ZCCHC7: variants seen among roughly 807,000 people sequenced by gnomAD.
ZCCHC7 encodes zinc finger CCHC-type containing 7, also known as zinc finger CCHC domain-containing protein 7.
In ZCCHC7, 35 loss-of-function variants were observed where a neutral mutation model predicts 52.0. That is an observed-to-expected ratio of 0.67 (90% CI 0.51 to 0.89). ZCCHC7 has a LOEUF of 0.89. Among genes scored for constraint, ZCCHC7 ranks in the 40% least tolerant of loss-of-function variants. ZCCHC7 has a pLI of 0.00. For missense variants in ZCCHC7, 574 were observed against 649.1 expected, an observed-to-expected ratio of 0.88 and a Z score of 1.26; for synonymous variants, 217 against 221.5, an observed-to-expected ratio of 0.98 and a Z score of 0.18.
intron 2 of ZCCHC7, among the ~76,000 whole-genome samples, chr9:37,171,541 C>G (rs1195969039): frequency 6.6e-6 from 1 of 152,162 alleles, no homozygotes; most frequent in African/African-American, 2.4e-5. Flanking sequence ...CCTCAGCCTC[C>G]TGAGTAGCTG....
chr9:37,174,038 G>A (rs556833919), intron 2 of ZCCHC7, among the ~76,000 whole-genome samples: 246 of 152,306 alleles, frequency 1.6e-3, no homozygotes, highest in Non-Finnish European at 4.0e-4. Flanking sequence ...TAGGCTGGGT[G>A]TGGTGGCTCA....
intron 6 of ZCCHC7, among the ~76,000 whole-genome samples, chr9:37,328,420 C>T (rs901838091): frequency 2.0e-4 from 30 of 151,900 alleles, no homozygotes; most frequent in African/African-American, 7.2e-4. Flanking sequence ...GCAGAAAATA[C>T]AGTTTGCTAG....
intron 2 of ZCCHC7, among the ~76,000 whole-genome samples, chr9:37,210,328 A>AGGCT (rs1824148919): frequency 1.3e-5 from 2 of 152,220 alleles, no homozygotes; most frequent in African/African-American, 4.8e-5. Flanking sequence ...CTCATAGAAG[A>AGGCT]GGCTGTACTT....
intron 2 of ZCCHC7, among the ~76,000 whole-genome samples, chr9:37,184,585 C>T (rs1024144943): frequency 1.2e-4 from 19 of 152,008 alleles, no homozygotes; most frequent in African/African-American, 2.4e-4. Flanking sequence ...ATACATAGTA[C>T]GAATACCCTG....
chr9:37,286,162 A>G (rs1828199069), intron 2 of ZCCHC7, among the ~76,000 whole-genome samples: 1 of 152,228 alleles, frequency 6.6e-6, no homozygotes, highest in Non-Finnish European at 1.5e-5. Flanking sequence ...TATTAATAAA[A>G]TAATTTAGGG....
At chr9:37,259,080 A>G (rs2133435984) in intron 2 of ZCCHC7, among the ~76,000 whole-genome samples, 1 of 152,172 alleles carries the variant, frequency 6.6e-6, no homozygotes, top group South Asian at 2.1e-4. Context: ...AAAACAAAAC[A>G]AAAAAAACTT....
rs563346718 is a variant in ZCCHC7, at chr9:37,342,889, G to A, written c.988-6468G>A. ...TTAGAACATAATCCCAAAATGCATT[G>A]GATAAATAAATTTTATCAGAGCATC... On this transcript the variant is annotated intron_variant, in intron 6 of 8. Coordinates refer to ENST00000336755, the MANE Select transcript of ZCCHC7 (RefSeq NM_032226.3). Among the ~76,000 whole-genome samples, 6 of 152,254 alleles carry A rather than the reference G, an allele frequency of 3.9e-5. No homozygotes were observed. The South Asian group carries it at 1.2e-3, about 32-fold the overall frequency.
chr9:37,236,112 T>C (rs915690205), intron 2 of ZCCHC7, among the ~76,000 whole-genome samples: 3 of 152,180 alleles, frequency 2.0e-5, no homozygotes, highest in African/African-American at 7.2e-5. Context: ...TTCTAGTTTT[T>C]TGAGGAACCT....
At chr9:37,127,932 A>G (rs1307700882) in intron 2 of ZCCHC7, among the ~76,000 whole-genome samples, 1 of 152,202 alleles carries the variant, frequency 6.6e-6, no homozygotes, top group East Asian at 1.9e-4. Flanking sequence ...AATAATACCT[A>G]TAGAAATGGG....
At chr9:37,174,097 A>G (rs1377079641) in intron 2 of ZCCHC7, among the ~76,000 whole-genome samples, 1 of 152,168 alleles carries the variant, frequency 6.6e-6, no homozygotes, top group African/African-American at 2.4e-5. Flanking sequence ...AGATCAGTTT[A>G]GGTCAGGAGT....
chr9:37,355,989 A>G (rs990445867), intron 8 of ZCCHC7, among the ~76,000 whole-genome samples: 2 of 132,362 alleles, frequency 1.5e-5, no homozygotes, highest in South Asian at 4.9e-4. Context: ...GGTTTTCTAT[A>G]ATGAGCAGTT....
At chr9:37,293,971 G>A (rs1166895210) in intron 2 of ZCCHC7, among the ~76,000 whole-genome samples, 3 of 151,922 alleles carry the variant, frequency 2.0e-5, no homozygotes, top group Non-Finnish European at 4.4e-5. Context: ...ATTGTTTCTG[G>A]TAAATTTAAT....
At chr9:37,209,947 C>A (rs577067630) in intron 2 of ZCCHC7, among the ~76,000 whole-genome samples, 1 of 151,796 alleles carries the variant, frequency 6.6e-6, no homozygotes, top group Admixed American at 6.6e-5. Flanking sequence ...GTTTTTTTTT[C>A]TCTTCATTTG....
chr9:37,155,956 A>G (rs1270900757), intron 2 of ZCCHC7, among the ~76,000 whole-genome samples: 1 of 152,224 alleles, frequency 6.6e-6, no homozygotes, highest in Non-Finnish European at 1.5e-5. Flanking sequence ...CCTGTCAAGG[A>G]TATCACCACC....
At chr9:37,150,968 T>G (rs1820485545) in intron 2 of ZCCHC7, among the ~76,000 whole-genome samples, 1 of 143,096 alleles carries the variant, frequency 7.0e-6, no homozygotes, top group South Asian at 2.2e-4. Context: ...GTTTTTTTGT[T>G]TTTTTTTTTT....
At chr9:37,198,359 A>G (rs888422507) in intron 2 of ZCCHC7, among the ~76,000 whole-genome samples, 12 of 152,230 alleles carry the variant, frequency 7.9e-5, no homozygotes, top group African/African-American at 2.9e-4. Context: ...TCATGCCTCA[A>G]TAAAAAAGTT....
intron 2 of ZCCHC7, among the ~76,000 whole-genome samples, chr9:37,166,026 T>G (rs1821398089): frequency 6.6e-6 from 1 of 152,246 alleles, no homozygotes; most frequent in Non-Finnish European, 1.5e-5. Flanking sequence ...TTCATGTGTT[T>G]GGAGGACTTA....
At chr9:37,151,931 G>A (rs1820553250) in intron 2 of ZCCHC7, among the ~76,000 whole-genome samples, 1 of 152,106 alleles carries the variant, frequency 6.6e-6, no homozygotes, top group African/African-American at 2.4e-5. Flanking sequence ...TGCTACATTA[G>A]CAGTTCTTTA....
At chr9:37,120,539 C>T (rs932679972), upstream of ZCCHC7, 2 of 399,148 alleles carry the variant, frequency 5.0e-6, no homozygotes, top group African/African-American at 2.1e-5. Flanking sequence ...CGGACGCGGC[C>T]TCCTTACCTC....
Sources: gnomAD v4.1 joint callset for allele counts (sites outside exome capture counted in the v4.1 genomes callset) on GRCh38, gnomAD v4.1.1 for gene constraint, MANE v1.5 for transcripts, NCBI Gene and HGNC (gene_info 2026-07-23, HGNC 2026-07-21) for gene names.